INPP5D: variants seen among roughly 807,000 people sequenced by gnomAD.
INPP5D encodes the protein phosphatidylinositol 3,4,5-trisphosphate 5-phosphatase 1.
Under a neutral mutation model 122.9 loss-of-function variants are expected in INPP5D, and 33 were observed. The ratio of observed to expected loss-of-function variants is 0.27; its 90% CI spans 0.20 to 0.36. The LOEUF is 0.36. Ranked by LOEUF, INPP5D falls within the 10% of genes least tolerant of loss-of-function variation. INPP5D has a pLI of 1.00. For missense variants in INPP5D, 1,053 were observed against 1,412.7 expected (o/e 0.75, Z 4.08); for synonymous variants, 584 against 576.2 (o/e 1.01, Z -0.19).
chr2:233,190,681 G>A (rs1695033530), intron 22 of INPP5D, among the ~76,000 whole-genome samples: 1 of 152,344 alleles, frequency 6.6e-6, no homozygotes, highest in Middle Eastern at 3.4e-3. Flanking sequence ...CTGCCTGTTT[G>A]TGGCTCCAGC....
intron 1 of INPP5D, among the ~76,000 whole-genome samples, chr2:233,077,677 A>C (rs1246675916): frequency 1.3e-5 from 2 of 150,606 alleles, no homozygotes; most frequent in East Asian, 1.9e-4. Flanking sequence ...AAAAAAAAAA[A>C]AAAAAAAAAC....
intron 25 of INPP5D, among the ~76,000 whole-genome samples, chr2:233,203,901 C>CT (rs1405251760): frequency 6.6e-6 from 1 of 152,072 alleles, no homozygotes; most frequent in Non-Finnish European, 1.5e-5. Context: ...GAGCCATGAC[C>CT]GCACCACTGC....
At chr2:233,157,757 T>C (rs2106289768) in intron 9 of INPP5D, among the ~76,000 whole-genome samples, 2 of 152,272 alleles carry the variant, frequency 1.3e-5, no homozygotes, top group African/African-American at 4.8e-5. Context: ...GCATTTTTTT[T>C]TTTTAAGAAA....
Position 233,177,221 on chromosome 2 carries a change from A to C in INPP5D, c.1990-44A>C, listed in dbSNP as rs1694661229. On this transcript the variant is annotated intron_variant, in intron 17 of 26. Coordinates refer to ENST00000445964, the MANE Select transcript of INPP5D (RefSeq NM_001017915.3). This position sits in a 1 kb window ranked among gnomAD's most constrained non-coding sequence, Gnocchi z 4.2. ...CTGTTCTTTTACTGATTAAAAAAAT[A>C]ATAATAAGAGGCATTTTTTAAAGCC... 1 of 1,611,618 alleles carries C rather than the reference A, an allele frequency of 6.2e-7. No individual in the cohort carries two copies. Among genetic ancestry groups the C allele is most frequent in the Non-Finnish European group, 8.5e-7 (1 of 1,178,422 alleles).
intron 13 of INPP5D, 89 bp from the exon 14 acceptor site, chr2:233,169,216 C>T (rs1694424560): frequency 6.5e-7 from 1 of 1,530,092 alleles, no homozygotes; most frequent in Non-Finnish European, 8.8e-7. Context: ...CACTCACTGC[C>T]CCTCTCACCC....
chr2:233,140,262 C>T (rs1693604065), intron 6 of INPP5D: 1 of 164,228 alleles, frequency 6.1e-6, no homozygotes. Context: ...GAGGAGATGC[C>T]TAAACTCTTG....
At chr2:233,137,131 C>A (rs1489989141) in intron 5 of INPP5D, among the ~76,000 whole-genome samples, 1 of 152,082 alleles carries the variant, frequency 6.6e-6, no homozygotes, top group African/African-American at 2.4e-5. Context: ...AAATAAAACT[C>A]TCTATCTCTG....
At chr2:233,162,858 T>C (rs1033209731) in intron 11 of INPP5D, among the ~76,000 whole-genome samples, 1 of 152,192 alleles carries the variant, frequency 6.6e-6, no homozygotes, top group Non-Finnish European at 1.5e-5. Context: ...TCAGTGTTTC[T>C]AATAAGAGAC....
intron 2 of INPP5D, among the ~76,000 whole-genome samples, chr2:233,121,130 T>C (rs867243256): frequency 7.1e-6 from 1 of 141,560 alleles, no homozygotes; most frequent in Non-Finnish European, 1.5e-5. Flanking sequence ...TCTTTTTTTT[T>C]TTTCTTTTTT....
chr2:233,080,394 T>A (rs1691645499), intron 2 of INPP5D, among the ~76,000 whole-genome samples: 1 of 151,064 alleles, frequency 6.6e-6, no homozygotes, highest in Non-Finnish European at 1.5e-5. Flanking sequence ...CACATGGAGG[T>A]GGCAAGAAGG....
At chr2:233,086,129 C>A (rs1574713262) in intron 2 of INPP5D, among the ~76,000 whole-genome samples, 2 of 110,978 alleles carry the variant, frequency 1.8e-5, no homozygotes, top group South Asian at 6.9e-4. Flanking sequence ...CTCTTTCTTT[C>A]TTTCTTTCTT....
chr2:233,165,578 GTGTT>G (rs1321977952), intron 13 of INPP5D, among the ~76,000 whole-genome samples: 1 of 151,980 alleles, frequency 6.6e-6, no homozygotes, highest in Non-Finnish European at 1.5e-5. Context: ...CCATGCATGT[GTGTT>G]TGTGAGTGTG....
intron 22 of INPP5D, among the ~76,000 whole-genome samples, chr2:233,192,161 G>T (rs191812196): frequency 6.6e-6 from 1 of 152,188 alleles, no homozygotes. Context: ...GGATCCCCTC[G>T]TCACGGATGC....
At chr2:233,072,039 A>G (rs1233970211) in intron 1 of INPP5D, among the ~76,000 whole-genome samples, 1 of 152,226 alleles carries the variant, frequency 6.6e-6, no homozygotes, top group East Asian at 1.9e-4. Flanking sequence ...TTTCTAAAAC[A>G]CTACAGTGGG....
chr2:233,085,211 C>T (rs1432288929), intron 2 of INPP5D, among the ~76,000 whole-genome samples: 1 of 151,974 alleles, frequency 6.6e-6, no homozygotes, highest in Non-Finnish European at 1.5e-5. Context: ...CATGGTGAAA[C>T]CCCGTCTCTA....
chr2:233,175,878 C>T (rs766413509), intron 17 of INPP5D, among the ~76,000 whole-genome samples: 1 of 151,796 alleles, frequency 6.6e-6, no homozygotes, highest in Non-Finnish European at 1.5e-5. Flanking sequence ...GATGGGGTTT[C>T]GCCATGTTGG....
At chr2:233,111,923 C>T (rs897243620) in intron 2 of INPP5D, among the ~76,000 whole-genome samples, 29 of 148,282 alleles carry the variant, frequency 2.0e-4, no homozygotes, top group Admixed American at 1.3e-3. Context: ...TTTAGCCAAA[C>T]GTGGTGATGC....
intron 1 of INPP5D, among the ~76,000 whole-genome samples, chr2:233,064,327 T>C (rs1390202965): frequency 6.6e-6 from 1 of 152,200 alleles, no homozygotes; most frequent in African/African-American, 2.4e-5. Flanking sequence ...GCTGACAGTG[T>C]GGTTTTGGTT....
intron 21 of INPP5D, among the ~76,000 whole-genome samples, chr2:233,186,458 G>A (rs915094276): frequency 2.0e-5 from 3 of 152,034 alleles, no homozygotes; most frequent in African/African-American, 7.2e-5. Flanking sequence ...GGTGGAATTG[G>A]AAACACTCAG....
Sources: allele counts gnomAD v4.1 joint callset (sites outside exome capture counted in the v4.1 genomes callset), GRCh38; gene constraint gnomAD v4.1.1; non-coding constraint Gnocchi (gnomAD v3.1); transcripts MANE v1.5; gene names NCBI Gene and HGNC (gene_info 2026-07-23, HGNC 2026-07-21).